Variants in CORIN observed in about 807,000 individuals in gnomAD.
The protein encoded by CORIN is atrial natriuretic peptide-converting enzyme.
Under a neutral mutation model 125.3 loss-of-function variants are expected in CORIN, and 117 were observed. The ratio of observed to expected loss-of-function variants is 0.93; its 90% confidence interval spans 0.80 to 1.09. The LOEUF (loss-of-function observed/expected upper bound fraction) is 1.09, where lower values mean the gene tolerates loss of function less well. Ranked by LOEUF, CORIN falls within the 50% of genes least tolerant of loss-of-function variation. The probability of loss-of-function intolerance (pLI) is 0.00; values close to 1 mark genes in which losing one functional copy is unlikely to be tolerated. For missense variants in CORIN, 1,253 were observed against 1,306.7 expected, an observed-to-expected ratio of 0.96 and a Z score of 0.63; for synonymous variants, 450 against 466.4, an observed-to-expected ratio of 0.96 and a Z score of 0.45.
In CORIN at chr4:47,653,584, G is replaced by A. The variant is rs1469363677; in HGVS notation, c.1812C>T (p.Asp604=). The A allele has an allele frequency of 1.1e-5, 17 of 1,614,058 alleles. No homozygotes were observed. Among genetic ancestry groups the A allele is most frequent in the Non-Finnish European group, 1.4e-5 (17 of 1,179,962 alleles). Residue 604 remains aspartate (D), a synonymous_variant, in exon 13 of 22, where the codon GAC becomes GAT. Coordinates refer to ENST00000273857, the MANE Select transcript of CORIN (RefSeq NM_006587.4). Reference sequence around the variant, plus strand: ...TTTCCTCATCACTGTCATCGTCACAGTCGGCCTGGCCATCACATCTTCTGG... The same window carrying A: ...TTTCCTCATCACTGTCATCGTCACAATCGGCCTGGCCATCACATCTTCTGG... ...LASRRCDGQA[D]CDDDSDEENC...
intron 5 of CORIN, chr4:47,707,040 G>T (rs1726604209): frequency 6.9e-7 from 1 of 1,456,790 alleles, no homozygotes; most frequent in African/African-American, 1.4e-5. Flanking sequence ...GGACAGTCAT[G>T]TCTGCTTACA....
intron 19 of CORIN, among the ~76,000 whole-genome samples, chr4:47,603,908 T>C (rs1169667718): frequency 1.3e-5 from 2 of 152,198 alleles, no homozygotes; most frequent in African/African-American, 4.8e-5. Context: ...TAAAACTTCT[T>C]CAGTTTTAAA....
At chr4:47,710,273 G>A (rs891811029) in intron 5 of CORIN, among the ~76,000 whole-genome samples, 1 of 151,930 alleles carries the variant, frequency 6.6e-6, no homozygotes, top group South Asian at 2.1e-4. Flanking sequence ...TGAAAATAAC[G>A]TTCTTTTCCA....
chr4:47,641,897 G>C (rs750674980), intron 16 of CORIN, 23 bp downstream of exon 16: 12 of 1,609,620 alleles, frequency 7.5e-6, no homozygotes, highest in Middle Eastern at 1.7e-4. Flanking sequence ...AAATTCATCA[G>C]TGCTACAAAC....
chr4:47,832,352 T>C (rs939360715), intron 1 of CORIN, among the ~76,000 whole-genome samples: 1 of 152,050 alleles, frequency 6.6e-6, no homozygotes, highest in Non-Finnish European at 1.5e-5. Flanking sequence ...GATTCTGCTA[T>C]AGGAAACCAC....
At chr4:47,828,767 G>A (rs912535892) in intron 1 of CORIN, among the ~76,000 whole-genome samples, 2 of 152,018 alleles carry the variant, frequency 1.3e-5, no homozygotes, top group African/African-American at 4.8e-5. Context: ...CTCTCATACC[G>A]CAGACATTTG....
At chr4:47,632,874 G>A (rs535854515) in intron 16 of CORIN, among the ~76,000 whole-genome samples, 1 of 152,050 alleles carries the variant, frequency 6.6e-6, no homozygotes, top group Non-Finnish European at 1.5e-5. Flanking sequence ...CCACCTTCCA[G>A]GTTCAAGCAA....
intron 16 of CORIN, chr4:47,632,202 A>C (rs1252744284): frequency 6.6e-6 from 1 of 152,236 alleles, no homozygotes. Context: ...TGCAGGAATT[A>C]CCTAGACATG....
intron 5 of CORIN, among the ~76,000 whole-genome samples, chr4:47,694,985 T>C (rs1725923583): frequency 6.6e-6 from 1 of 152,168 alleles, no homozygotes; most frequent in African/African-American, 2.4e-5. Context: ...CTTCACAATA[T>C]CAACAACAAA....
chr4:47,722,029 G>A lies in CORIN; in HGVS notation c.799+22373C>T, dbSNP rs555503211. ...CCAGCTTCTAACATTTAGCTATTCC[G>A]TCTTCACAATTTCAGCATTTTTCTG... On this transcript the variant is annotated intron_variant, in intron 5 of 21. Transcript: ENST00000273857. Among the ~76,000 whole-genome samples, 14 of 152,140 alleles carry A rather than the reference G, an allele frequency of 9.2e-5. No individual in the cohort carries two copies. The South Asian group carries it at 2.7e-3, about 29-fold the overall frequency.
intron 3 of CORIN, among the ~76,000 whole-genome samples, chr4:47,766,334 A>G (rs1327587853): frequency 6.6e-6 from 1 of 152,190 alleles, no homozygotes; most frequent in Non-Finnish European, 1.5e-5. Context: ...CCCTAACTTC[A>G]TGGCCCAAGA....
intron 5 of CORIN, among the ~76,000 whole-genome samples, chr4:47,723,995 CAAA>C (rs766930754): frequency 6.8e-5 from 4 of 58,896 alleles, no homozygotes; most frequent in African/African-American, 1.1e-4. Context: ...GACTCCATCT[CAAA>C]AAAAAAAAAA....
intron 1 of CORIN, among the ~76,000 whole-genome samples, chr4:47,807,364 T>C (rs1038635795): frequency 2.6e-5 from 4 of 152,206 alleles, no homozygotes; most frequent in Non-Finnish European, 5.9e-5. Flanking sequence ...TGAATGACCA[T>C]GGCAAAACCT....
intron 4 of CORIN, among the ~76,000 whole-genome samples, chr4:47,752,805 G>C (rs573714681): frequency 6.6e-6 from 1 of 152,278 alleles, no homozygotes; most frequent in South Asian, 2.1e-4. Flanking sequence ...ACACATTCCT[G>C]ATTCTCATTA....
In CORIN at chr4:47,677,937, C is replaced by T. The variant is rs778922481; in HGVS notation, c.1249+1G>A. 1.2e-6 allele frequency: 2 copies of T among 1,604,678 alleles called. No individual in the cohort carries two copies. The highest frequency in any genetic ancestry group is 1.7e-5 in the Admixed American group (1 of 60,016). ...GTTCTGGGGTGGTGGGACACACTTA[C>T]TGACGCTGCAGTTCTCCTCATCACT... On this transcript the variant is annotated splice_donor_variant, in intron 9 of 21. Coordinates refer to ENST00000273857, the MANE Select transcript of CORIN (RefSeq NM_006587.4). LOFTEE classifies it high-confidence loss of function.
intron 5 of CORIN, among the ~76,000 whole-genome samples, chr4:47,702,784 A>C (rs115575306): frequency 0.014 from 2,188 of 152,334 alleles, 52 homozygotes; most frequent in African/African-American, 0.05. Context: ...ATCTTTCAAA[A>C]ACAGATTACG....
intron 1 of CORIN, among the ~76,000 whole-genome samples, chr4:47,822,354 G>A (rs916571592): frequency 6.6e-6 from 1 of 152,092 alleles, no homozygotes; most frequent in Non-Finnish European, 1.5e-5. Flanking sequence ...ACATTCTCCT[G>A]CCTAAACACA....
intron 6 of CORIN, among the ~76,000 whole-genome samples, chr4:47,686,709 GC>G (rs1725531565): frequency 1.3e-5 from 2 of 152,272 alleles, no homozygotes; most frequent in Non-Finnish European, 2.9e-5. Context: ...ATCAGCAATA[GC>G]CCGGGAAATA....
chr4:47,596,821 C>T (rs1160540319), intron 21 of CORIN, among the ~76,000 whole-genome samples: 1 of 152,184 alleles, frequency 6.6e-6, no homozygotes, highest in Non-Finnish European at 1.5e-5. Context: ...CTAATGTTTC[C>T]TGATCCTCTT....
Sources: gnomAD v4.1 joint callset for allele counts (sites outside exome capture counted in the v4.1 genomes callset) on GRCh38, gnomAD v4.1.1 for gene constraint, MANE v1.5 for transcripts, NCBI Gene and HGNC (gene_info 2026-07-23, HGNC 2026-07-21) for gene names.